NEGR1: variants seen among roughly 807,000 people sequenced by gnomAD.
The protein encoded by NEGR1 is IgLON family member 4.
NEGR1 carries 10 observed loss-of-function variants against 40.9 expected under a neutral mutation model. The ratio of observed to expected loss-of-function variants is 0.24; its 90% CI spans 0.15 to 0.42. The LOEUF is 0.42. Ranked by LOEUF, NEGR1 falls within the 10% of genes least tolerant of loss-of-function variation. The pLI is 1.00. For synonymous variants in NEGR1, 185 were observed against 166.8 expected, an observed-to-expected ratio of 1.11 and a Z score of -0.84; for missense variants, 352 against 438.9, an observed-to-expected ratio of 0.80 and a Z score of 1.77.
At chr1:71,812,179 A>G (rs1658027558) in intron 2 of NEGR1, among the ~76,000 whole-genome samples, 1 of 152,012 alleles carries the variant, frequency 6.6e-6, no homozygotes, top group African/African-American at 2.4e-5. Context: ...TAGTTTGCTG[A>G]CGGCAATGGC....
At chr1:71,486,970 T>C (rs1454458046) in intron 6 of NEGR1, 1 of 151,584 alleles carries the variant, frequency 6.6e-6, no homozygotes, top group Non-Finnish European at 1.5e-5. Flanking sequence ...GTTTACTTGA[T>C]TGTCTGAAAC....
intron 2 of NEGR1, among the ~76,000 whole-genome samples, chr1:71,928,049 CGTATATATAT>C (rs770869455): frequency 1.5e-3 from 127 of 86,130 alleles, no homozygotes; most frequent in Admixed American, 2.6e-3. Context: ...CACACACACA[CGTATATATAT>C]ACACACACAC....
At chr1:71,922,387 A>T (rs147920280) in intron 2 of NEGR1, among the ~76,000 whole-genome samples, 1 of 152,340 alleles carries the variant, frequency 6.6e-6, no homozygotes, top group East Asian at 1.9e-4. Context: ...GCATAGCAAG[A>T]GAGGTGCAGA....
At chr1:71,647,168 T>A (rs574185105) in intron 4 of NEGR1, among the ~76,000 whole-genome samples, 1 of 151,840 alleles carries the variant, frequency 6.6e-6, no homozygotes, top group Non-Finnish European at 1.5e-5. Context: ...CATTTTTTCA[T>A]AACCTTTATT....
intron 1 of NEGR1, among the ~76,000 whole-genome samples, chr1:72,217,611 A>G (rs931956789): frequency 6.6e-6 from 1 of 151,878 alleles, no homozygotes; most frequent in African/African-American, 2.4e-5. Context: ...CATATATTCT[A>G]TATAATTAAG....
At chr1:71,959,422 A>G (rs189493722) in intron 1 of NEGR1, among the ~76,000 whole-genome samples, 1 of 152,296 alleles carries the variant, frequency 6.6e-6, no homozygotes, top group Non-Finnish European at 1.5e-5. Flanking sequence ...ACAAACATCA[A>G]TAAAACTAAA....
intron 1 of NEGR1, among the ~76,000 whole-genome samples, chr1:72,274,156 C>T (rs568586537): frequency 6.6e-6 from 1 of 152,064 alleles, no homozygotes; most frequent in East Asian, 1.9e-4. Flanking sequence ...ATGTGCTACA[C>T]TTTACCCGCT....
intron 1 of NEGR1, among the ~76,000 whole-genome samples, chr1:72,208,394 G>T (rs1570123130): frequency 6.6e-6 from 1 of 151,682 alleles, no homozygotes; most frequent in Non-Finnish European, 1.5e-5. Context: ...ATGGGACTCA[G>T]TTTTACTGCA....
At chr1:71,901,234 C>T (rs1374616182) in intron 2 of NEGR1, among the ~76,000 whole-genome samples, 1 of 152,158 alleles carries the variant, frequency 6.6e-6, no homozygotes, top group East Asian at 1.9e-4. Flanking sequence ...AAAATAAGGA[C>T]TAGCCTTCAT....
intron 2 of NEGR1, among the ~76,000 whole-genome samples, chr1:71,795,658 C>T (rs1056011131): frequency 1.4e-4 from 21 of 152,016 alleles, no homozygotes; most frequent in African/African-American, 4.3e-4. Flanking sequence ...TAAAATGTTA[C>T]GTTGTATAAT....
At chr1:71,907,298 GT>G (rs1185741313) in intron 2 of NEGR1, among the ~76,000 whole-genome samples, 1 of 152,046 alleles carries the variant, frequency 6.6e-6, no homozygotes, top group East Asian at 1.9e-4. Flanking sequence ...ACTTAATGAG[GT>G]AATATAATTG....
intron 1 of NEGR1, chr1:72,274,752 T>C: frequency 6.8e-6 from 8 of 1,170,458 alleles, no homozygotes; most frequent in South Asian, 1.2e-5. Flanking sequence ...GAGAAATTGC[T>C]TGCTGTAAGC....
rs1025613623 is a variant in NEGR1, at chr1:71,642,144, C to A, written c.668-30998G>T. On this transcript the variant is annotated intron_variant, in intron 4 of 6. Coordinates refer to ENST00000357731, the MANE Select transcript of NEGR1 (RefSeq NM_173808.3). ...GTCAGGGGAGCGACACAGTGACATT[C>A]AGACGTTCATTGGGATAGGTTGGCA... Among the ~76,000 whole-genome samples, 5 of 151,944 alleles carry A rather than the reference C, an allele frequency of 3.3e-5. No homozygotes were observed. In the East Asian group the frequency reaches 9.7e-4, roughly 29 times the overall value.
At chr1:71,712,423 C>A (rs761463788) in intron 3 of NEGR1, among the ~76,000 whole-genome samples, 13 of 152,094 alleles carry the variant, frequency 8.5e-5, no homozygotes, top group Non-Finnish European at 1.8e-4. Flanking sequence ...TGAATTACAA[C>A]TCACTTTGCT....
chr1:72,051,312 A>T (rs1013168094), intron 1 of NEGR1, among the ~76,000 whole-genome samples: 3 of 151,520 alleles, frequency 2.0e-5, no homozygotes, highest in African/African-American at 7.3e-5. Flanking sequence ...ATGGTAATCT[A>T]GTACCTGAAT....
intron 1 of NEGR1, among the ~76,000 whole-genome samples, chr1:72,035,898 C>A (rs1217135129): frequency 6.6e-6 from 1 of 152,132 alleles, no homozygotes; most frequent in Non-Finnish European, 1.5e-5. Context: ...GAATTAAGAT[C>A]ATTTCATATT....
At chr1:72,248,702 C>A (rs1319707025) in intron 1 of NEGR1, among the ~76,000 whole-genome samples, 2 of 150,902 alleles carry the variant, frequency 1.3e-5, no homozygotes, top group African/African-American at 2.4e-5. Context: ...GGGTTCTCAG[C>A]CTCCCTAGTA....
chr1:72,274,216 A>C (rs557154061), intron 1 of NEGR1, among the ~76,000 whole-genome samples: 1 of 152,108 alleles, frequency 6.6e-6, no homozygotes, highest in South Asian at 2.1e-4. Flanking sequence ...ATTAGGTTAA[A>C]ACACCACATA....
At chr1:72,023,541 A>G (rs928782534) in intron 1 of NEGR1, among the ~76,000 whole-genome samples, 2 of 151,674 alleles carry the variant, frequency 1.3e-5, no homozygotes, top group Admixed American at 1.3e-4. Context: ...TGTGCTGCTA[A>G]ATCCCCCTTA....
Sources: gnomAD v4.1 joint callset for allele counts (sites outside exome capture counted in the v4.1 genomes callset) on GRCh38, gnomAD v4.1.1 for gene constraint, MANE v1.5 for transcripts, NCBI Gene and HGNC (gene_info 2026-07-23, HGNC 2026-07-21) for gene names.